Variants in ZCCHC7 observed in about 807,000 individuals in gnomAD.
ZCCHC7 encodes zinc finger CCHC domain-containing protein 7.
Under a neutral mutation model 52.0 loss-of-function variants are expected in ZCCHC7, and 35 were observed. That is an observed-to-expected ratio of 0.67 (90% CI 0.51 to 0.89). The LOEUF is 0.89. ZCCHC7 is among the 40% of genes least tolerant of loss of function. The probability of loss-of-function intolerance (pLI) is 0.00; values close to 1 mark genes in which losing one functional copy is unlikely to be tolerated. For missense variants in ZCCHC7, 574 were observed against 649.1 expected (o/e 0.88, Z 1.26); for synonymous variants, 217 against 221.5 (o/e 0.98, Z 0.18).
chr9:37,328,858 T>G (rs1830348484), intron 6 of ZCCHC7, among the ~76,000 whole-genome samples: 1 of 151,984 alleles, frequency 6.6e-6, no homozygotes, highest in African/African-American at 2.4e-5. Context: ...ACCATTTAAT[T>G]TTTTTAAAGA....
In ZCCHC7 at chr9:37,173,176, G is replaced by A. The variant is rs140388106; in HGVS notation, c.610+46234G>A. On this transcript the variant is annotated intron_variant, in intron 2 of 8. Coordinates refer to ENST00000336755, the MANE Select transcript of ZCCHC7 (RefSeq NM_032226.3). ...GTGAGCAACGTGGGCATGCACTAGG[G>A]ACTTGAGTTAGCAATGTCGGCATTC... Among the ~76,000 whole-genome samples, 72 of 152,366 alleles carry A rather than the reference G, an allele frequency of 4.7e-4. 1 individual carries two copies. Among genetic ancestry groups the A allele is most frequent in the Non-Finnish European group, 3.4e-4 (23 of 68,034 alleles).
At chr9:37,203,467 C>T (rs956786908) in intron 2 of ZCCHC7, among the ~76,000 whole-genome samples, 1 of 152,128 alleles carries the variant, frequency 6.6e-6, no homozygotes, top group Non-Finnish European at 1.5e-5. Flanking sequence ...TCTCTCTCCC[C>T]TTGCCCCTGC....
At chr9:37,171,363 T>A (rs1017505625) in intron 2 of ZCCHC7, among the ~76,000 whole-genome samples, 1 of 152,248 alleles carries the variant, frequency 6.6e-6, no homozygotes, top group African/African-American at 2.4e-5. Context: ...TGTTTTCATG[T>A]TCTGTCAGTT....
Position 37,303,045 on chromosome 9 carries a change from C to CA in ZCCHC7, c.654+817dup, listed in dbSNP as rs201738291. ...GTAGCTGTACTAACTTTACAAAAGA[C>CA]AAAGTCATAAAAACACCATTCCCTA... On this transcript the variant is annotated intron_variant, in intron 3 of 8. Transcript: ENST00000336755. Among the ~76,000 whole-genome samples the CA allele has an allele frequency of 9.9e-5, 15 of 152,244 alleles. No homozygotes were observed. In the East Asian group the frequency reaches 2.9e-3, roughly 29 times the overall value.
intron 5 of ZCCHC7, among the ~76,000 whole-genome samples, chr9:37,310,138 T>A (rs1829525320): frequency 6.6e-6 from 1 of 152,192 alleles, no homozygotes; most frequent in Non-Finnish European, 1.5e-5. Flanking sequence ...TCTGTAAAAG[T>A]ATTTGGTTGA....
At chr9:37,143,929 T>G (rs1341935642) in intron 2 of ZCCHC7, among the ~76,000 whole-genome samples, 1 of 151,896 alleles carries the variant, frequency 6.6e-6, no homozygotes, top group Non-Finnish European at 1.5e-5. Context: ...AAATTAATTT[T>G]GATATTTTGC....
intron 5 of ZCCHC7, among the ~76,000 whole-genome samples, chr9:37,312,043 A>C (rs912145574): frequency 6.6e-6 from 1 of 152,150 alleles, no homozygotes; most frequent in Non-Finnish European, 1.5e-5. Flanking sequence ...TATTTATTTT[A>C]TTTTTAGTGT....
chr9:37,317,916 G>T (rs928760542), intron 5 of ZCCHC7, among the ~76,000 whole-genome samples: 1 of 144,188 alleles, frequency 6.9e-6, no homozygotes, highest in African/African-American at 2.6e-5. Flanking sequence ...GTTTGGGAAA[G>T]ATTTTTGTAA....
chr9:37,270,542 TAGCTG>T (rs1263827311), intron 2 of ZCCHC7, among the ~76,000 whole-genome samples: 2 of 151,690 alleles, frequency 1.3e-5, no homozygotes, highest in Non-Finnish European at 2.9e-5. Context: ...AATACAAAAT[TAGCTG>T]GGCACATTTC....
intron 2 of ZCCHC7, among the ~76,000 whole-genome samples, chr9:37,222,873 G>A (rs1456580039): frequency 6.6e-6 from 1 of 152,120 alleles, no homozygotes; most frequent in Non-Finnish European, 1.5e-5. Context: ...TGTGGGCCAA[G>A]CATAAGAATT....
chr9:37,189,188 A>AC (rs1822886302), intron 2 of ZCCHC7, among the ~76,000 whole-genome samples: 2 of 150,934 alleles, frequency 1.3e-5, no homozygotes, highest in Non-Finnish European at 3.0e-5. Context: ...TTGTTGGAAC[A>AC]TTTTTATAAT....
At chr9:37,198,880 G>T (rs751431967) in intron 2 of ZCCHC7, among the ~76,000 whole-genome samples, 8 of 152,022 alleles carry the variant, frequency 5.3e-5, no homozygotes, top group Non-Finnish European at 8.8e-5. Context: ...TACCTTTTTT[G>T]CATTGAATTA....
chr9:37,176,148 A>G (rs1822015816), intron 2 of ZCCHC7, among the ~76,000 whole-genome samples: 1 of 152,110 alleles, frequency 6.6e-6, no homozygotes, highest in Admixed American at 6.6e-5. Flanking sequence ...ATCTTGGCTC[A>G]CTGCAAGTGC....
chr9:37,236,759 C>T (rs1454658132), intron 2 of ZCCHC7, among the ~76,000 whole-genome samples: 1 of 152,140 alleles, frequency 6.6e-6, no homozygotes. Flanking sequence ...GTCCCATACA[C>T]GGCACAGTGC....
chr9:37,234,036 T>C (rs1825530703), intron 2 of ZCCHC7, among the ~76,000 whole-genome samples: 1 of 151,560 alleles, frequency 6.6e-6, no homozygotes, highest in African/African-American at 2.4e-5. Context: ...GTATTTTTAG[T>C]AGAGACAGGG....
rs1830165199 is a variant in ZCCHC7, at chr9:37,324,502, G to T, written c.952-3297G>T. ...AATTTGACAAGACAAGCTCTTAAAC[G>T]ATCTAGGTCATGGCCTTCACTGTCT... On this transcript the variant is annotated intron_variant, in intron 5 of 8. Transcript: ENST00000336755. 2.0e-5 allele frequency among the ~76,000 whole-genome samples: 3 copies of T among 152,164 alleles called. No homozygotes were observed. In the South Asian group the frequency reaches 6.2e-4, roughly 31 times the overall value.
intron 2 of ZCCHC7, among the ~76,000 whole-genome samples, chr9:37,205,842 A>C (rs1224666636): frequency 1.3e-5 from 2 of 151,948 alleles, no homozygotes; most frequent in African/African-American, 4.8e-5. Flanking sequence ...TTTGGTGAGG[A>C]AAGTTGAAAT....
intron 2 of ZCCHC7, among the ~76,000 whole-genome samples, chr9:37,240,491 T>C (rs62535721): frequency 0.14 from 20,679 of 151,926 alleles, 1,717 homozygotes; most frequent in Non-Finnish European, 0.17. Context: ...CTATTAATAA[T>C]GGTTACTGGG....
At chr9:37,243,045 C>G (rs930504210) in intron 2 of ZCCHC7, among the ~76,000 whole-genome samples, 7 of 151,634 alleles carry the variant, frequency 4.6e-5, no homozygotes, top group African/African-American at 1.2e-4. Flanking sequence ...AAGCATATTT[C>G]TTTCATTTTA....
Sources: allele counts gnomAD v4.1 joint callset (sites outside exome capture counted in the v4.1 genomes callset), GRCh38; gene constraint gnomAD v4.1.1; transcripts MANE v1.5; gene names NCBI Gene and HGNC (gene_info 2026-07-23, HGNC 2026-07-21).